CLVS1: variants seen among roughly 807,000 people sequenced by gnomAD.
CLVS1 encodes the protein clavesin 1, also known as clavesin-1.
CLVS1 carries 10 observed loss-of-function variants against 33.1 expected under a neutral mutation model. That is an observed-to-expected ratio of 0.30 (90% CI 0.19 to 0.51). CLVS1 has a LOEUF of 0.51. CLVS1 is among the 20% of genes least tolerant of loss of function. The probability of loss-of-function intolerance (pLI) is 0.97; values close to 1 mark genes in which losing one functional copy is unlikely to be tolerated. For missense variants in CLVS1, 343 were observed against 433.4 expected, an observed-to-expected ratio of 0.79 and a Z score of 1.85; for synonymous variants, 163 against 166.1, an observed-to-expected ratio of 0.98 and a Z score of 0.14.
the CLVS1 span, among the ~76,000 whole-genome samples, chr8:60,981,028 T>G: frequency 6.6e-6 from 1 of 152,164 alleles, no homozygotes; most frequent in African/African-American, 2.4e-5. Flanking sequence ...TGGAAGAGGC[T>G]GGGGATGGCT....
chr8:61,246,979 C>G (rs960838440), intron 2 of CLVS1, among the ~76,000 whole-genome samples: 3 of 152,070 alleles, frequency 2.0e-5, no homozygotes, highest in Admixed American at 6.6e-5. Context: ...CTCAAGCAGA[C>G]CCCAGTGTCT....
chr8:61,212,309 G>C (rs1807987204), intron 2 of CLVS1, among the ~76,000 whole-genome samples: 1 of 152,212 alleles, frequency 6.6e-6, no homozygotes, highest in Admixed American at 6.5e-5. Context: ...AACGGCAACA[G>C]AGGTAGGCAG....
intron 2 of CLVS1, among the ~76,000 whole-genome samples, chr8:61,371,196 T>A (rs531479194): frequency 6.6e-6 from 1 of 152,146 alleles, no homozygotes; most frequent in South Asian, 2.1e-4. Flanking sequence ...CAGGAGTAAG[T>A]TTAGGTATTG....
chr8:61,030,517 C>G, the CLVS1 span, among the ~76,000 whole-genome samples: 1 of 152,118 alleles, frequency 6.6e-6, no homozygotes, highest in Non-Finnish European at 1.5e-5. Flanking sequence ...GTGTTCAGAC[C>G]CTGCAGTGTA....
intron 2 of CLVS1, among the ~76,000 whole-genome samples, chr8:61,243,280 A>C (rs1361984739): frequency 6.6e-6 from 1 of 152,248 alleles, no homozygotes; most frequent in Non-Finnish European, 1.5e-5. Context: ...TAAGATCGTT[A>C]CTATAGTGGA....
At chr8:61,499,111 C>T (rs1170306440) in intron 5 of CLVS1, among the ~76,000 whole-genome samples, 1 of 151,972 alleles carries the variant, frequency 6.6e-6, no homozygotes, top group East Asian at 1.9e-4. Context: ...GTTTAGCAAG[C>T]AAAAGAAGTA....
At chr8:61,176,850 G>A (rs888719512) in intron 2 of CLVS1, among the ~76,000 whole-genome samples, 3 of 152,162 alleles carry the variant, frequency 2.0e-5, no homozygotes, top group Non-Finnish European at 4.4e-5. Flanking sequence ...TCCCACTCAT[G>A]AGCCCACACC....
intron 2 of CLVS1, among the ~76,000 whole-genome samples, chr8:61,338,427 C>A (rs970320779): frequency 2.6e-5 from 4 of 152,138 alleles, no homozygotes; most frequent in Non-Finnish European, 4.4e-5. Context: ...CTGGGCCTCA[C>A]CCCCAGAGTT....
rs894069873 is a variant in CLVS1, at chr8:61,288,013, A to T, written c.-277A>T. The stretch of plus-strand genomic sequence containing the variant: ...AGCCCCTTGTGGAGCCCGAGCTCTC[A>T]TTCACAGCTTTCTAGAGAAATCTGA... On this transcript the variant is annotated 5_prime_UTR_variant, in exon 1 of 6. Coordinates refer to ENST00000325897, the MANE Select transcript of CLVS1 (RefSeq NM_173519.3). 3 of 430,960 alleles carry T rather than the reference A, an allele frequency of 7.0e-6. No individual in the cohort carries two copies. In the East Asian group the frequency reaches 2.1e-4, roughly 30 times the overall value. The allele number at this position is 430,960 out of a possible 1,614,324, so 26.7% of individuals were successfully genotyped here.
the CLVS1 span, among the ~76,000 whole-genome samples, chr8:60,978,809 C>CAAAAAAA: frequency 5.3e-4 from 12 of 22,466 alleles, no homozygotes; most frequent in Admixed American, 1.0e-3. Flanking sequence ...GACTCCATCT[C>CAAAAAAA]AAAAAAAAAA....
Position 61,299,714 on chromosome 8 carries a change from A to G in CLVS1, c.-114A>G, listed in dbSNP as rs1810359082. The G allele has an allele frequency of 2.8e-6, 2 of 721,850 alleles. No individual in the cohort carries two copies. The highest frequency in any genetic ancestry group is 2.6e-5 in the East Asian group (1 of 38,138). The allele number at this position is 721,850 out of a possible 1,614,324, so 44.7% of individuals were successfully genotyped here. On this transcript the variant is annotated 5_prime_UTR_variant, in exon 2 of 6. Coordinates refer to ENST00000325897, the MANE Select transcript of CLVS1 (RefSeq NM_173519.3). ...TCAGTTTTGCTTCTGTTTTGGATGA[A>G]CACCACCACATAGGGCCTGAATGTG...
At chr8:61,280,152 G>A (rs1809641384) in intron 2 of CLVS1, among the ~76,000 whole-genome samples, 1 of 152,112 alleles carries the variant, frequency 6.6e-6, no homozygotes, top group African/African-American at 2.4e-5. Context: ...AGATAAATTT[G>A]TTCTTTTGGA....
At chr8:61,497,527 CTT>C in intron 5 of CLVS1, among the ~76,000 whole-genome samples, 1 of 151,952 alleles carries the variant, frequency 6.6e-6, no homozygotes, top group South Asian at 2.1e-4. Context: ...ACCATTCCCT[CTT>C]GTTACCAGGC....
At chr8:61,457,545 C>G (rs943134285) in intron 4 of CLVS1, among the ~76,000 whole-genome samples, 2 of 151,930 alleles carry the variant, frequency 1.3e-5, no homozygotes, top group Non-Finnish European at 2.9e-5. Flanking sequence ...CACTATGTCC[C>G]CAATCCAGAC....
At chr8:61,064,498 T>G (rs1804639164) in intron 1 of CLVS1, among the ~76,000 whole-genome samples, 1 of 152,118 alleles carries the variant, frequency 6.6e-6, no homozygotes, top group Non-Finnish European at 1.5e-5. Flanking sequence ...GCTATCTGAG[T>G]ATCTTCTTTG....
chr8:61,149,231 G>A (rs144873768), intron 2 of CLVS1, among the ~76,000 whole-genome samples: 34 of 152,192 alleles, frequency 2.2e-4, no homozygotes, highest in African/African-American at 6.5e-4. Context: ...AGAGAGGAGA[G>A]GAAGAAGAAA....
chr8:61,007,077 A>C, the CLVS1 span, among the ~76,000 whole-genome samples: 2 of 152,198 alleles, frequency 1.3e-5, no homozygotes, highest in Admixed American at 1.3e-4. Flanking sequence ...ATTCCAGCGC[A>C]TTTGTTTTTC....
intron 3 of CLVS1, among the ~76,000 whole-genome samples, chr8:61,395,785 T>C (rs975132738): frequency 9.9e-5 from 15 of 151,820 alleles, no homozygotes; most frequent in Non-Finnish European, 2.1e-4. Context: ...CTTATACAAA[T>C]TCTCAATGAA....
chr8:61,276,208 T>C (rs1254801884), intron 2 of CLVS1, among the ~76,000 whole-genome samples: 2 of 152,242 alleles, frequency 1.3e-5, no homozygotes, highest in Admixed American at 1.3e-4. Context: ...GAAAACACTC[T>C]CCTGTCATTC....
Sources: allele counts gnomAD v4.1 joint callset (sites outside exome capture counted in the v4.1 genomes callset), GRCh38; gene constraint gnomAD v4.1.1; transcripts MANE v1.5; gene names NCBI Gene and HGNC (gene_info 2026-07-23, HGNC 2026-07-21).